Variants in ERBB4 observed in about 807,000 individuals in gnomAD.
The protein encoded by ERBB4 is receptor tyrosine-protein kinase erbB-4.
ERBB4 carries 42 observed loss-of-function variants against 158.0 expected under a neutral mutation model. The ratio of observed to expected loss-of-function variants is 0.27; its 90% CI spans 0.21 to 0.34. The LOEUF (loss-of-function observed/expected upper bound fraction) is 0.34. Among genes scored for constraint, ERBB4 ranks in the 10% least tolerant of loss-of-function variants. The pLI is 1.00. For synonymous variants in ERBB4, 583 were observed against 558.7 expected (o/e 1.04, Z -0.61); for missense variants, 1,333 against 1,624.1 (o/e 0.82, Z 3.08).
chr2:212,181,051 T>A (rs2081843619), intron 1 of ERBB4, among the ~76,000 whole-genome samples: 1 of 151,636 alleles, frequency 6.6e-6, no homozygotes, highest in South Asian at 2.1e-4. Flanking sequence ...TTTATTTCAA[T>A]TCTATAGATA....
chr2:212,361,744 C>T (rs2089694539), intron 1 of ERBB4, among the ~76,000 whole-genome samples: 1 of 151,620 alleles, frequency 6.6e-6, no homozygotes, highest in East Asian at 1.9e-4. Flanking sequence ...ATTATTTAAC[C>T]TCCACAATCC....
At chr2:212,007,430 C>G (rs1470683331) in intron 2 of ERBB4, among the ~76,000 whole-genome samples, 1 of 151,550 alleles carries the variant, frequency 6.6e-6, no homozygotes, top group Admixed American at 6.6e-5. Context: ...TATGGTAAAC[C>G]ACCTTCTTAA....
intron 3 of ERBB4, among the ~76,000 whole-genome samples, chr2:211,833,063 T>C (rs1165089183): frequency 2.6e-5 from 4 of 151,854 alleles, no homozygotes; most frequent in African/African-American, 4.8e-5. Context: ...AAATAATATA[T>C]AAGAGTAGAT....
At chr2:212,271,215 A>G (rs2085332451) in intron 1 of ERBB4, among the ~76,000 whole-genome samples, 1 of 151,758 alleles carries the variant, frequency 6.6e-6, no homozygotes, top group Admixed American at 6.6e-5. Context: ...CATTGTTATA[A>G]TGCCTGACAA....
chr2:211,739,907 G>C (rs186481716), intron 5 of ERBB4, among the ~76,000 whole-genome samples: 1 of 152,290 alleles, frequency 6.6e-6, no homozygotes, highest in Admixed American at 6.5e-5. Flanking sequence ...TTCTATCTTA[G>C]AATGCAGTAG....
intron 19 of ERBB4, among the ~76,000 whole-genome samples, chr2:211,566,969 G>A (rs1384270784): frequency 1.3e-5 from 2 of 152,138 alleles, no homozygotes; most frequent in Non-Finnish European, 2.9e-5. Context: ...CTTGTTAAAG[G>A]AACTTAGGAA....
intron 20 of ERBB4, among the ~76,000 whole-genome samples, chr2:211,528,837 C>A (rs1413959752): frequency 6.6e-6 from 1 of 151,380 alleles, no homozygotes; most frequent in East Asian, 1.9e-4. Flanking sequence ...ATACCAAAAC[C>A]TATGGAATGC....
chr2:211,505,468 C>T (rs62178819), intron 20 of ERBB4, among the ~76,000 whole-genome samples: 23,469 of 150,144 alleles, frequency 0.16, 3,046 homozygotes, highest in African/African-American at 0.36. Flanking sequence ...ATTCTAAACA[C>T]GAAAATGAAA....
chr2:211,552,088 A>G (rs1399688142), intron 20 of ERBB4, among the ~76,000 whole-genome samples: 2 of 152,174 alleles, frequency 1.3e-5, no homozygotes, highest in Non-Finnish European at 2.9e-5. Flanking sequence ...TCTGCCACCA[A>G]TAGTAAAGAA....
rs146520569 is a variant in ERBB4 at position 212,453,256 on chromosome 2, G to C, written c.82+85193C>G. Among the ~76,000 whole-genome samples, 9 of 152,214 alleles carry C rather than the reference G, an allele frequency of 5.9e-5. No individual in the cohort carries two copies. The East Asian group carries it at 9.6e-4, about 16-fold the overall frequency. ...CCTCCGCATATAGACTCTAACCCTT[G>C]CAAGTCTACTTTGTAAAGAAAGACC... is the stretch of plus-strand genomic sequence containing the variant. On this transcript the variant is annotated intron_variant, in intron 1 of 27. Coordinates refer to ENST00000342788, the MANE Select transcript of ERBB4 (RefSeq NM_005235.3).
chr2:211,475,884 C>A (rs906267228), intron 20 of ERBB4, among the ~76,000 whole-genome samples: 6 of 151,776 alleles, frequency 4.0e-5, no homozygotes, highest in African/African-American at 1.5e-4. Context: ...TGTTGAATAC[C>A]GCTTATGTCA....
At chr2:212,050,458 A>T (rs1304560848) in intron 2 of ERBB4, among the ~76,000 whole-genome samples, 1 of 152,196 alleles carries the variant, frequency 6.6e-6, no homozygotes, top group Non-Finnish European at 1.5e-5. Flanking sequence ...ACCCTGCCAC[A>T]TGGAATAGTC....
intron 19 of ERBB4, among the ~76,000 whole-genome samples, chr2:211,580,483 A>C (rs1472656511): frequency 6.6e-6 from 1 of 152,040 alleles, no homozygotes; most frequent in Non-Finnish European, 1.5e-5. Flanking sequence ...CATAATCAAA[A>C]AATCAAAAAA....
Position 212,080,473 on chromosome 2 carries a change from G to T in ERBB4, c.234+44279C>A, listed in dbSNP as rs560284324. Among the ~76,000 whole-genome samples the T allele has an allele frequency of 1.5e-4, 22 of 151,338 alleles. No individual in the cohort carries two copies. The East Asian group carries it at 4.3e-3, about 29-fold the overall frequency. On this transcript the variant is annotated intron_variant, in intron 2 of 27. Coordinates refer to ENST00000342788, the MANE Select transcript of ERBB4 (RefSeq NM_005235.3). ...ATAACCATTTTTTTAAAAAATAATG[G>T]TTATTCAGTCTCATGCTTACCATCC...
intron 5 of ERBB4, among the ~76,000 whole-genome samples, chr2:211,738,692 G>A (rs570785432): frequency 6.8e-6 from 1 of 147,314 alleles, no homozygotes; most frequent in South Asian, 2.2e-4. Flanking sequence ...TTTTGAGATG[G>A]AGTTTCCTCT....
At chr2:211,667,571 T>TA (rs1206845724) in intron 14 of ERBB4, among the ~76,000 whole-genome samples, 1 of 152,144 alleles carries the variant, frequency 6.6e-6, no homozygotes, top group Non-Finnish European at 1.5e-5. Context: ...TGCTTATGGG[T>TA]ACTTAGGCAC....
intron 1 of ERBB4, among the ~76,000 whole-genome samples, chr2:212,125,432 T>C (rs2079893630): frequency 6.6e-6 from 1 of 152,188 alleles, no homozygotes; most frequent in African/African-American, 2.4e-5. Flanking sequence ...AACTTTTATT[T>C]TAAGTTCAGG....
chr2:212,277,907 C>T (rs987817775), intron 1 of ERBB4, among the ~76,000 whole-genome samples: 2 of 151,442 alleles, frequency 1.3e-5, no homozygotes, highest in Non-Finnish European at 1.5e-5. Flanking sequence ...AAATTACATA[C>T]TTTTTTATTT....
At chr2:212,010,563 G>A (rs936287672) in intron 2 of ERBB4, among the ~76,000 whole-genome samples, 2 of 151,996 alleles carry the variant, frequency 1.3e-5, no homozygotes, top group South Asian at 2.1e-4. Flanking sequence ...TTACTGATAC[G>A]GGTCCAACAA....
Sources: allele counts gnomAD v4.1 joint callset (sites outside exome capture counted in the v4.1 genomes callset), GRCh38; gene constraint gnomAD v4.1.1; transcripts MANE v1.5; gene names NCBI Gene and HGNC (gene_info 2026-07-23, HGNC 2026-07-21).